The following MAGI2 variants were observed in gnomAD, a reference collection of about 807,000 sequenced individuals.
The protein encoded by MAGI2 is membrane-associated guanylate kinase, WW and PDZ domain-containing protein 2.
In MAGI2, 35 loss-of-function variants were observed where a neutral mutation model predicts 133.3. That is an observed-to-expected ratio of 0.26 (90% CI 0.20 to 0.35). The LOEUF (loss-of-function observed/expected upper bound fraction) is 0.35. Among genes scored for constraint, MAGI2 ranks in the 10% least tolerant of loss-of-function variants. The pLI, the probability that MAGI2 is intolerant of heterozygous loss-of-function variation, is 1.00. For missense variants in MAGI2, 1,636 were observed against 1,863.4 expected (o/e 0.88, Z 2.25); for synonymous variants, 729 against 710.6 (o/e 1.03, Z -0.41).
At chr7:78,127,929 C>T (rs1821161681) in intron 18 of MAGI2, among the ~76,000 whole-genome samples, 1 of 152,142 alleles carries the variant, frequency 6.6e-6, no homozygotes, top group African/African-American at 2.4e-5. Flanking sequence ...CTATTTTAAC[C>T]TGCTGAGTTG....
At chr7:78,796,693 C>G in intron 2 of MAGI2, among the ~76,000 whole-genome samples, 1 of 151,902 alleles carries the variant, frequency 6.6e-6, no homozygotes, top group Non-Finnish European at 1.5e-5. Flanking sequence ...ATGTTTATTG[C>G]AGCACTGTTC....
intron 1 of MAGI2, among the ~76,000 whole-genome samples, chr7:79,081,940 A>G (rs1816076502): frequency 6.6e-6 from 1 of 152,116 alleles, no homozygotes; most frequent in Non-Finnish European, 1.5e-5. Flanking sequence ...TGCTATGAAC[A>G]TTCATGTGTA....
chr7:78,474,738 A>G (rs9691175), intron 6 of MAGI2, among the ~76,000 whole-genome samples: 44,628 of 151,698 alleles, frequency 0.29, 7,611 homozygotes, highest in African/African-American at 0.47. Flanking sequence ...AAGTTAATGA[A>G]AACTTCCCCA....
intron 2 of MAGI2, among the ~76,000 whole-genome samples, chr7:78,783,012 C>CTTTTT (rs11432048): frequency 4.1e-4 from 39 of 96,156 alleles, no homozygotes; most frequent in Admixed American, 6.2e-4. Context: ...TGATTCTTAC[C>CTTTTT]TTTTTTTTTT....
rs991037918 is a variant in MAGI2 at position 79,230,254 on chromosome 7, G to A, written c.301+222766C>T. On this transcript the variant is annotated intron_variant, in intron 1 of 21. Transcript: ENST00000354212. ...GTGAATAATGCTGCAATAAACATAC[G>A]TGTGCATGTGTCTTTATAGCAGCAT... is the stretch of plus-strand genomic sequence containing the variant. Among the ~76,000 whole-genome samples, 59 of 150,576 alleles carry A rather than the reference G, an allele frequency of 3.9e-4. No individual in the cohort carries two copies. The East Asian group carries it at 6.5e-3, about 17-fold the overall frequency.
chr7:78,743,703 A>G (rs1822646667), intron 2 of MAGI2, among the ~76,000 whole-genome samples: 1 of 152,234 alleles, frequency 6.6e-6, no homozygotes, highest in African/African-American at 2.4e-5. Context: ...AGGCATGGTC[A>G]TGCACCAAAA....
intron 1 of MAGI2, among the ~76,000 whole-genome samples, chr7:79,340,345 G>T (rs1840795642): frequency 1.3e-5 from 2 of 151,898 alleles, no homozygotes; most frequent in African/African-American, 4.8e-5. Flanking sequence ...ATTTTAGTTT[G>T]TTTTGTTTGT....
intron 2 of MAGI2, among the ~76,000 whole-genome samples, chr7:78,954,804 TC>T (rs1311955750): frequency 6.6e-6 from 1 of 151,974 alleles, no homozygotes; most frequent in African/African-American, 2.4e-5. Context: ...AAAAAAGGAG[TC>T]AGTTTCAAAG....
chr7:78,478,309 C>T (rs1791994741), intron 6 of MAGI2, among the ~76,000 whole-genome samples: 1 of 151,824 alleles, frequency 6.6e-6, no homozygotes, highest in South Asian at 2.1e-4. Flanking sequence ...AATCTAGTTT[C>T]CCTTAACATG....
chr7:78,481,140 T>C (rs1792327496), intron 6 of MAGI2, among the ~76,000 whole-genome samples: 1 of 151,934 alleles, frequency 6.6e-6, no homozygotes, highest in Admixed American at 6.6e-5. Context: ...GTAGGAACTA[T>C]CACTGTATTA....
At chr7:78,716,070 G>A (rs1185376733) in intron 2 of MAGI2, among the ~76,000 whole-genome samples, 2 of 152,114 alleles carry the variant, frequency 1.3e-5, no homozygotes, top group Admixed American at 6.5e-5. Flanking sequence ...CTTGCTTCTG[G>A]GAACAGAGAA....
intron 3 of MAGI2, among the ~76,000 whole-genome samples, chr7:78,536,736 G>GT (rs1027981881): frequency 2.2e-3 from 298 of 138,364 alleles, no homozygotes; most frequent in African/African-American, 5.9e-3. Context: ...AATTTCAATA[G>GT]TTTTTTTTTT....
At chr7:78,295,171 T>C (rs1362873566) in intron 9 of MAGI2, among the ~76,000 whole-genome samples, 2 of 152,162 alleles carry the variant, frequency 1.3e-5, no homozygotes. Context: ...TTTGATAATG[T>C]AGTAATAGTT....
chr7:78,660,923 G>A (rs1812881902), intron 2 of MAGI2, among the ~76,000 whole-genome samples: 3 of 151,978 alleles, frequency 2.0e-5, no homozygotes, highest in South Asian at 4.2e-4. Flanking sequence ...CACTGATAAG[G>A]CATCAGTGAC....
At chr7:78,976,128 A>G (rs1305141375) in intron 2 of MAGI2, among the ~76,000 whole-genome samples, 1 of 151,664 alleles carries the variant, frequency 6.6e-6, no homozygotes, top group Non-Finnish European at 1.5e-5. Context: ...GCGTTACGAG[A>G]AAAGAAAACT....
chr7:78,086,884 T>TTTTA (rs1300204729), intron 20 of MAGI2, among the ~76,000 whole-genome samples: 1 of 151,810 alleles, frequency 6.6e-6, no homozygotes, highest in African/African-American at 2.4e-5. Flanking sequence ...ATCCACCCAT[T>TTTTA]TTTAGCCTCC....
intron 1 of MAGI2, among the ~76,000 whole-genome samples, chr7:79,196,642 A>G (rs1161578452): frequency 1.3e-5 from 2 of 151,976 alleles, no homozygotes; most frequent in African/African-American, 4.8e-5. Context: ...GTAGTGTGTT[A>G]TCACTGCATT....
chr7:79,296,694 G>T (rs186186314), intron 1 of MAGI2, among the ~76,000 whole-genome samples: 1 of 152,192 alleles, frequency 6.6e-6, no homozygotes, highest in African/African-American at 2.4e-5. Context: ...ATTCATAGTA[G>T]AGAGTAGAAT....
At chr7:78,426,462 G>T (rs537179877) in intron 6 of MAGI2, among the ~76,000 whole-genome samples, 6 of 152,074 alleles carry the variant, frequency 3.9e-5, no homozygotes, top group Non-Finnish European at 8.8e-5. Context: ...GTTGTGGGGT[G>T]GGGGGAGCGC....
Sources: allele counts gnomAD v4.1 joint callset (sites outside exome capture counted in the v4.1 genomes callset), GRCh38; gene constraint gnomAD v4.1.1; transcripts MANE v1.5; gene names NCBI Gene and HGNC (gene_info 2026-07-23, HGNC 2026-07-21).